The following FGF12 variants were observed in gnomAD, a reference collection of about 807,000 sequenced individuals.
FGF12 encodes fibroblast growth factor 12.
Under a neutral mutation model 23.6 loss-of-function variants are expected in FGF12, and 14 were observed. That is an observed-to-expected ratio of 0.59 (90% CI 0.39 to 0.93). The LOEUF is 0.93. Ranked by LOEUF, FGF12 falls within the 40% of genes least tolerant of loss-of-function variation. FGF12 has a pLI of 0.00. For missense variants in FGF12, 175 were observed against 217.8 expected, an observed-to-expected ratio of 0.80 and a Z score of 1.24; for synonymous variants, 62 against 77.3, an observed-to-expected ratio of 0.80 and a Z score of 1.04.
intron 2 of FGF12, among the ~76,000 whole-genome samples, chr3:192,531,144 A>T (rs1725079133): frequency 6.6e-6 from 1 of 152,216 alleles, no homozygotes; most frequent in Admixed American, 6.5e-5. Flanking sequence ...TATAAGAAAA[A>T]TATTGGACAG....
chr3:192,614,233 C>T (rs1478216610), intron 2 of FGF12, among the ~76,000 whole-genome samples: 1 of 151,128 alleles, frequency 6.6e-6, no homozygotes, highest in Non-Finnish European at 1.5e-5. Flanking sequence ...TCAACATTTT[C>T]TATAGTTAAA....
At chr3:192,724,883 G>A (rs1476291312) in intron 2 of FGF12, among the ~76,000 whole-genome samples, 1 of 152,064 alleles carries the variant, frequency 6.6e-6, no homozygotes, top group African/African-American at 2.4e-5. Context: ...ATTAGATCTG[G>A]GTATGGGATA....
In FGF12 at chr3:192,687,697, C is replaced by A. The variant is rs150726390; in HGVS notation, c.13+39484G>T. Among the ~76,000 whole-genome samples, 714 of 152,260 alleles carry A rather than the reference C, an allele frequency of 4.7e-3. 7 individuals are homozygous for A. The highest frequency in any genetic ancestry group is 0.016 in the African/African-American group (675 of 41,528). On this transcript the variant is annotated intron_variant, in intron 2 of 5. Coordinates refer to ENST00000445105, the MANE Select transcript of FGF12 (RefSeq NM_004113.6). The stretch of plus-strand genomic sequence containing the variant: ...ATGTGTAAGTAGCAGGCCCCACCCC[C>A]CAGCTCCTGCCTCCACCACTATTCT...
Position 192,451,469 on chromosome 3 carries a change from G to C in FGF12, c.14-90931C>G, listed in dbSNP as rs191882227. 2.2e-3 allele frequency among the ~76,000 whole-genome samples: 339 copies of C among 152,288 alleles called. 1 individual carries two copies. Among genetic ancestry groups the C allele is most frequent in the African/African-American group, 7.7e-3 (321 of 41,556 alleles). ...CCATGAGAACTGAAACCAGCCTACTGTACCAGGAACTTATTTGATGTCATT... is the reference window on the plus strand; with the variant it reads ...CCATGAGAACTGAAACCAGCCTACTCTACCAGGAACTTATTTGATGTCATT... On this transcript the variant is annotated intron_variant, in intron 2 of 5. Transcript: ENST00000445105.
chr3:192,408,233 G>C lies in FGF12; in HGVS notation c.14-47695C>G. On this transcript the variant is annotated intron_variant, in intron 2 of 5. Coordinates refer to ENST00000445105, the MANE Select transcript of FGF12 (RefSeq NM_004113.6). The surrounding 1 kb of genome is among the most constrained non-coding windows in gnomAD (Gnocchi z 7.3). The stretch of plus-strand genomic sequence containing the variant: ...CTATCGCCGCAGCCATAGCTGCTCA[G>C]CGAGGGCCTCAGGCCCCAGCCTCTA... 6.3e-7 allele frequency: 1 copy of C among 1,591,534 alleles called. No homozygotes were observed. Among genetic ancestry groups the C allele is most frequent in the Non-Finnish European group, 8.5e-7 (1 of 1,173,228 alleles).
At chr3:192,274,088 CACTCTAT>C (rs1457029105) in intron 4 of FGF12, among the ~76,000 whole-genome samples, 1 of 151,874 alleles carries the variant, frequency 6.6e-6, no homozygotes, top group Non-Finnish European at 1.5e-5. Flanking sequence ...ATCGTATAAA[CACTCTAT>C]ACTCTATTTT....
At chr3:192,311,963 A>G (rs575502609) in intron 4 of FGF12, among the ~76,000 whole-genome samples, 5 of 151,522 alleles carry the variant, frequency 3.3e-5, no homozygotes, top group South Asian at 2.1e-4. Flanking sequence ...CTATCTATCT[A>G]TCTATCTATC....
At chr3:192,275,824 A>T (rs1713749059) in intron 4 of FGF12, among the ~76,000 whole-genome samples, 1 of 152,196 alleles carries the variant, frequency 6.6e-6, no homozygotes. Flanking sequence ...ATGAAAGATT[A>T]TAAATTACGA....
chr3:192,658,556 T>C (rs1363965934), intron 2 of FGF12, among the ~76,000 whole-genome samples: 1 of 152,186 alleles, frequency 6.6e-6, no homozygotes, highest in Non-Finnish European at 1.5e-5. Flanking sequence ...TAGGGTGCAT[T>C]AGCTTTACCC....
At chr3:192,225,299 T>G (rs1452231131) in intron 4 of FGF12, among the ~76,000 whole-genome samples, 1 of 152,118 alleles carries the variant, frequency 6.6e-6, no homozygotes, top group Non-Finnish European at 1.5e-5. Context: ...ATATTTCTCC[T>G]CTATTCCATC....
chr3:192,652,461 C>T (rs1406643046), intron 2 of FGF12, among the ~76,000 whole-genome samples: 1 of 152,148 alleles, frequency 6.6e-6, no homozygotes, highest in East Asian at 1.9e-4. Context: ...GAAAGCCAGA[C>T]CAGCCCTGAG....
At chr3:192,571,889 C>T (rs9861570) in intron 2 of FGF12, among the ~76,000 whole-genome samples, 257 of 152,110 alleles carry the variant, frequency 1.7e-3, no homozygotes, top group African/African-American at 6.0e-3. Flanking sequence ...GGAGTCTTTG[C>T]CCCTCCTGGG....
chr3:192,678,746 G>T (rs1052178558), intron 2 of FGF12, among the ~76,000 whole-genome samples: 1 of 152,216 alleles, frequency 6.6e-6, no homozygotes, highest in African/African-American at 2.4e-5. Flanking sequence ...AACAGGGTCA[G>T]TGCATGGCGG....
intron 2 of FGF12, among the ~76,000 whole-genome samples, chr3:192,363,131 C>A (rs940406801): frequency 7.9e-5 from 12 of 151,474 alleles, no homozygotes; most frequent in African/African-American, 2.9e-4. Context: ...GGAGATATAT[C>A]TAATGTAAAT....
At chr3:192,572,779 T>A (rs999576458) in intron 2 of FGF12, among the ~76,000 whole-genome samples, 1 of 152,186 alleles carries the variant, frequency 6.6e-6, no homozygotes, top group Non-Finnish European at 1.5e-5. Flanking sequence ...AAGAATTCTG[T>A]TTTTATGTAC....
At chr3:192,331,321 A>C (rs1335857354) in intron 4 of FGF12, among the ~76,000 whole-genome samples, 2 of 124,906 alleles carry the variant, frequency 1.6e-5, no homozygotes, top group African/African-American at 7.7e-5. Flanking sequence ...CAAAAAAAAA[A>C]AAAAAAAAAA....
chr3:192,158,350 C>CTTTCTTTCTTTCTTTCTTTCTT (rs1560171280), intron 5 of FGF12, among the ~76,000 whole-genome samples: 44 of 96,292 alleles, frequency 4.6e-4, no homozygotes, highest in African/African-American at 1.6e-3. Flanking sequence ...TTCTTTCTTT[C>CTTTCTTTCTTTCTTTCTTTCTT]TTTCTTTCTT....
intron 4 of FGF12, among the ~76,000 whole-genome samples, chr3:192,211,433 T>A (rs1717921684): frequency 6.6e-6 from 1 of 152,176 alleles, no homozygotes; most frequent in Admixed American, 6.5e-5. Context: ...ATTTATTTGT[T>A]TATTTTTTTG....
At chr3:192,630,351 C>T (rs960308528) in intron 2 of FGF12, among the ~76,000 whole-genome samples, 26 of 152,054 alleles carry the variant, frequency 1.7e-4, no homozygotes, top group African/African-American at 6.3e-4. Flanking sequence ...GCGAGAACAG[C>T]CTAACACACA....
Sources: allele counts gnomAD v4.1 joint callset (sites outside exome capture counted in the v4.1 genomes callset), GRCh38; gene constraint gnomAD v4.1.1; non-coding constraint Gnocchi (gnomAD v3.1); transcripts MANE v1.5; gene names NCBI Gene and HGNC (gene_info 2026-07-23, HGNC 2026-07-21).